MGAT4C: variants seen among roughly 807,000 people sequenced by gnomAD.
The protein encoded by MGAT4C is MGAT4 family member C.
A neutral mutation model predicts 40.1 loss-of-function variants in MGAT4C; 19 were observed. The observed-to-expected ratio is 0.47, with a 90% CI of 0.33 to 0.70. The LOEUF is 0.70. Among genes scored for constraint, MGAT4C ranks in the 30% least tolerant of loss-of-function variants. The pLI, the probability that MGAT4C is intolerant of heterozygous loss-of-function variation, is 0.02. For missense variants in MGAT4C, 491 were observed against 563.2 expected (o/e 0.87, Z 1.30); for synonymous variants, 181 against 187.1 (o/e 0.97, Z 0.27).
intron 1 of MGAT4C, among the ~76,000 whole-genome samples, chr12:86,056,599 T>C (rs1378879505): frequency 6.6e-6 from 1 of 152,202 alleles, no homozygotes. Context: ...TTCCTTGGTG[T>C]ATATGTGCCA....
chr12:86,638,830 C>T (rs1963297631), intron 2 of MGAT4C, among the ~76,000 whole-genome samples: 1 of 151,730 alleles, frequency 6.6e-6, no homozygotes, highest in African/African-American at 2.4e-5. Context: ...GCCTGGAACC[C>T]ATTATCCATT....
chr12:86,345,563 A>G (rs1457024017), intron 3 of MGAT4C, among the ~76,000 whole-genome samples: 1 of 152,000 alleles, frequency 6.6e-6, no homozygotes, highest in Admixed American at 6.6e-5. Flanking sequence ...GCTGAGAATG[A>G]TGGTTTCCAG....
chr12:86,377,349 G>A (rs1242286202), intron 3 of MGAT4C, among the ~76,000 whole-genome samples: 1 of 152,108 alleles, frequency 6.6e-6, no homozygotes, highest in Non-Finnish European at 1.5e-5. Flanking sequence ...GTGAGCCACT[G>A]CACCCGGCTG....
rs774700349 is a variant in MGAT4C, at chr12:86,114,636, T to C, written c.-56-64913A>G. ...CAATTTTTATAGCAACCCATGCTAA[T>C]TTATTTTACTCGTGCCATATAAGAA... On this transcript the variant is annotated intron_variant, in intron 1 of 4. Coordinates refer to ENST00000611864, the MANE Select transcript of MGAT4C (RefSeq NM_001351288.2). 2.0e-5 allele frequency among the ~76,000 whole-genome samples: 3 copies of C among 152,032 alleles called. No homozygotes were observed. The East Asian group carries it at 5.8e-4, about 29-fold the overall frequency.
At chr12:86,718,661 C>T (rs1186883765) in intron 2 of MGAT4C, among the ~76,000 whole-genome samples, 2 of 152,136 alleles carry the variant, frequency 1.3e-5, no homozygotes, top group Non-Finnish European at 2.9e-5. Context: ...AGGTGAACAG[C>T]AGGCAAGGGA....
At chr12:86,706,522 G>A (rs1950461717) in intron 2 of MGAT4C, among the ~76,000 whole-genome samples, 1 of 151,870 alleles carries the variant, frequency 6.6e-6, no homozygotes, top group Non-Finnish European at 1.5e-5. Context: ...CCTTCCAAAG[G>A]GCTAGGTTTA....
chr12:86,306,298 A>G (rs535158454), intron 4 of MGAT4C, among the ~76,000 whole-genome samples: 5 of 150,590 alleles, frequency 3.3e-5, no homozygotes, highest in African/African-American at 1.2e-4. Flanking sequence ...AAAAACTGAA[A>G]TCTTCCTAAA....
chr12:86,621,814 G>A (rs1245236109), intron 2 of MGAT4C, among the ~76,000 whole-genome samples: 2 of 152,196 alleles, frequency 1.3e-5, no homozygotes, highest in East Asian at 3.8e-4. Context: ...CAACTTTGCA[G>A]TGATGGAAAA....
intron 2 of MGAT4C, among the ~76,000 whole-genome samples, chr12:86,580,272 C>A (rs1347454662): frequency 6.6e-6 from 1 of 151,488 alleles, no homozygotes; most frequent in Non-Finnish European, 1.5e-5. Flanking sequence ...GCTATATTTT[C>A]TCTAGGCACT....
At chr12:86,140,186 A>G (rs1248448509) in intron 1 of MGAT4C, among the ~76,000 whole-genome samples, 5 of 152,150 alleles carry the variant, frequency 3.3e-5, no homozygotes, top group Non-Finnish European at 5.9e-5. Flanking sequence ...TCCTTTAGTC[A>G]TATATTAAAT....
chr12:86,830,105 GT>G (rs1952892088), intron 1 of MGAT4C, among the ~76,000 whole-genome samples: 1 of 151,436 alleles, frequency 6.6e-6, no homozygotes, highest in Admixed American at 6.6e-5. Context: ...TCTATGTTGG[GT>G]TGCCTATTAA....
At chr12:86,487,915 A>G (rs922234744) in intron 2 of MGAT4C, among the ~76,000 whole-genome samples, 1 of 152,210 alleles carries the variant, frequency 6.6e-6, no homozygotes, top group African/African-American at 2.4e-5. Flanking sequence ...TCAAAATAAA[A>G]ACAAATAAAT....
At chr12:86,662,580 T>A (rs1964006647) in intron 2 of MGAT4C, among the ~76,000 whole-genome samples, 1 of 152,192 alleles carries the variant, frequency 6.6e-6, no homozygotes, top group Admixed American at 6.5e-5. Flanking sequence ...TCCTTACTGA[T>A]TGTGATTTTT....
At chr12:86,760,587 T>C (rs781186500) in intron 1 of MGAT4C, among the ~76,000 whole-genome samples, 4 of 152,076 alleles carry the variant, frequency 2.6e-5, no homozygotes, top group Non-Finnish European at 4.4e-5. Flanking sequence ...GAAACAGCTT[T>C]AGGGACACCG....
chr12:86,836,502 T>C (rs1953039316), intron 1 of MGAT4C, among the ~76,000 whole-genome samples: 1 of 151,956 alleles, frequency 6.6e-6, no homozygotes, highest in South Asian at 2.1e-4. Context: ...GAAATTATGG[T>C]AATATATTTT....
chr12:86,713,356 C>A (rs949772287), intron 2 of MGAT4C, among the ~76,000 whole-genome samples: 12 of 152,034 alleles, frequency 7.9e-5, no homozygotes, highest in African/African-American at 2.9e-4. Flanking sequence ...GTTGAACATT[C>A]AACCAACAAC....
intron 2 of MGAT4C, among the ~76,000 whole-genome samples, chr12:86,465,316 G>A (rs1332540640): frequency 6.6e-6 from 1 of 152,046 alleles, no homozygotes. Context: ...CTTGGGTATG[G>A]TGATGACTTT....
intron 1 of MGAT4C, among the ~76,000 whole-genome samples, chr12:86,757,117 C>G (rs555372637): frequency 6.7e-6 from 1 of 149,002 alleles, no homozygotes; most frequent in Non-Finnish European, 1.5e-5. Flanking sequence ...ATCATAAGAA[C>G]AGAAAACCAA....
Position 86,653,534 on chromosome 12 carries a change from G to T in MGAT4C, c.-229+73675C>A, listed in dbSNP as rs141302535. 2.6e-5 allele frequency among the ~76,000 whole-genome samples: 4 copies of T among 151,970 alleles called. No homozygotes were observed. In the East Asian group the frequency reaches 7.8e-4, roughly 30 times the overall value. ...TGTATAAGGAGTTTTTTTAGCTTTAGCCTTCAGACCTGCTAAAATTTGGAT... is the reference window on the plus strand; with the variant it reads ...TGTATAAGGAGTTTTTTTAGCTTTATCCTTCAGACCTGCTAAAATTTGGAT... On this transcript the variant is annotated intron_variant, in intron 2 of 7. Coordinates refer to the MGAT4C transcript ENST00000548651.
Sources: gnomAD v4.1 joint callset for allele counts (sites outside exome capture counted in the v4.1 genomes callset) on GRCh38, gnomAD v4.1.1 for gene constraint, MANE v1.5 for transcripts, NCBI Gene and HGNC (gene_info 2026-07-23, HGNC 2026-07-21) for gene names.